The following TNKS variants were observed in gnomAD, a reference collection of about 807,000 sequenced individuals.
TNKS encodes poly [ADP-ribose] polymerase tankyrase-1.
Under a neutral mutation model 135.8 loss-of-function variants are expected in TNKS, and 72 were observed. The observed-to-expected ratio is 0.53, with a 90% CI of 0.44 to 0.64. The LOEUF (loss-of-function observed/expected upper bound fraction) is 0.64. TNKS is among the 30% of genes least tolerant of loss of function. The probability of loss-of-function intolerance (pLI) is 0.00; values close to 1 mark genes in which losing one functional copy is unlikely to be tolerated. For missense variants in TNKS, 1,769 were observed against 1,674.0 expected, an observed-to-expected ratio of 1.06 and a Z score of -0.99; for synonymous variants, 849 against 649.3, an observed-to-expected ratio of 1.31 and a Z score of -4.68.
At chr8:9,583,711 T>A (rs977278642) in intron 2 of TNKS, among the ~76,000 whole-genome samples, 5 of 152,030 alleles carry the variant, frequency 3.3e-5, no homozygotes, top group Non-Finnish European at 7.4e-5. Context: ...ATGCTCTCGA[T>A]CTCTTGACCT....
rs151249640 is a variant in TNKS at position 9,580,953 on chromosome 8, C to T, written c.898+570C>T. On this transcript the variant is annotated intron_variant, in intron 2 of 26. Transcript: ENST00000310430. ...CTGTATTCAATCAGCATTTTGTTCT[C>T]TCATATATATTCACATTTTGCTTTG... Among the ~76,000 whole-genome samples the T allele has an allele frequency of 5.9e-5, 9 of 152,156 alleles. No individual in the cohort carries two copies. The East Asian group carries it at 1.5e-3, about 26-fold the overall frequency.
rs777375902 is a variant in TNKS at position 9,752,529 on chromosome 8, A to G, written c.3071-15A>G. On this transcript the variant is annotated splice_polypyrimidine_tract_variant and intron_variant, in intron 19 of 26. Coordinates refer to ENST00000310430, the MANE Select transcript of TNKS (RefSeq NM_003747.3). ...AGAATTCTTTCTGAGAATCTTTAATATGTTTCTGTTTTAGTTGCTGGTCTT... is the reference window on the plus strand; with the variant it reads ...AGAATTCTTTCTGAGAATCTTTAATGTGTTTCTGTTTTAGTTGCTGGTCTT... 6.3e-7 allele frequency: 1 copy of G among 1,595,052 alleles called. No homozygotes were observed. Among genetic ancestry groups the G allele is most frequent in the Admixed American group, 1.7e-5 (1 of 59,186 alleles).
chr8:9,652,920 G>C (rs1801198328), intron 3 of TNKS, among the ~76,000 whole-genome samples: 1 of 152,170 alleles, frequency 6.6e-6, no homozygotes, highest in African/African-American at 2.4e-5. Context: ...TACATGGTTA[G>C]ATAATGGCAG....
chr8:9,713,021 A>G (rs753242685), intron 11 of TNKS, among the ~76,000 whole-genome samples: 21 of 152,164 alleles, frequency 1.4e-4, no homozygotes, highest in Non-Finnish European at 2.2e-4. Context: ...AGAAATTCAT[A>G]TATATATATT....
chr8:9,620,099 G>A (rs555753886), intron 3 of TNKS, among the ~76,000 whole-genome samples: 25 of 152,022 alleles, frequency 1.6e-4, no homozygotes, highest in Admixed American at 1.2e-3. Flanking sequence ...ATAGGCAGGC[G>A]CCACCACGCC....
chr8:9,581,511 T>C (rs781169248), intron 2 of TNKS, among the ~76,000 whole-genome samples: 5 of 152,214 alleles, frequency 3.3e-5, no homozygotes, highest in African/African-American at 4.8e-5. Flanking sequence ...CTTCAACTTA[T>C]AACATCCTCT....
chr8:9,776,945 A>G lies in TNKS; in HGVS notation c.*209A>G. 1 of 507,124 alleles carries G rather than the reference A, an allele frequency of 2.0e-6. No individual in the cohort carries two copies. 31.4% of individuals were successfully genotyped at this position (507,124 alleles called of 1,614,324 possible). On this transcript the variant is annotated 3_prime_UTR_variant, in exon 27 of 27. Transcript: ENST00000310430. ...CTGTTCCCTTTGAGGAAATGTTTACAGGGGCGGCCTTTTAACATATCTCAG... is the reference window on the plus strand; with the variant it reads ...CTGTTCCCTTTGAGGAAATGTTTACGGGGGCGGCCTTTTAACATATCTCAG...
intron 12 of TNKS, among the ~76,000 whole-genome samples, chr8:9,721,440 A>G (rs549671483): frequency 6.6e-6 from 1 of 151,756 alleles, no homozygotes; most frequent in Non-Finnish European, 1.5e-5. Context: ...AATGCAGTCT[A>G]CCTACTGACA....
At chr8:9,700,005 T>C (rs533683151) in intron 5 of TNKS, among the ~76,000 whole-genome samples, 15 of 152,314 alleles carry the variant, frequency 9.8e-5, no homozygotes, top group African/African-American at 3.6e-4. Context: ...TTTCTTATTC[T>C]TTTGCCTCAG....
intron 1 of TNKS, among the ~76,000 whole-genome samples, chr8:9,560,222 C>CT (rs918030780): frequency 7.9e-5 from 12 of 151,558 alleles, no homozygotes; most frequent in South Asian, 2.1e-4. Context: ...TAAATGAGGT[C>CT]TTTTTTTTAT....
chr8:9,625,875 C>T (rs1010168318), intron 3 of TNKS, among the ~76,000 whole-genome samples: 1 of 152,076 alleles, frequency 6.6e-6, no homozygotes, highest in Non-Finnish European at 1.5e-5. Context: ...AATGTATTTT[C>T]TGATGTTTTT....
intron 3 of TNKS, among the ~76,000 whole-genome samples, chr8:9,643,763 C>T (rs1173410426): frequency 6.6e-6 from 1 of 152,176 alleles, no homozygotes; most frequent in Non-Finnish European, 1.5e-5. Flanking sequence ...GGCAATTCTG[C>T]TTCTGGGTAT....
chr8:9,581,676 CAGTCATT>C (rs1297066638), intron 2 of TNKS, among the ~76,000 whole-genome samples: 1 of 152,202 alleles, frequency 6.6e-6, no homozygotes, highest in African/African-American at 2.4e-5. Flanking sequence ...GGATTTTTCT[CAGTCATT>C]AGTCAGAATT....
intron 18 of TNKS, among the ~76,000 whole-genome samples, chr8:9,751,085 G>A (rs1176573694): frequency 1.3e-5 from 2 of 152,204 alleles, no homozygotes; most frequent in African/African-American, 4.8e-5. Flanking sequence ...GAAATTCAAG[G>A]GGAGGCATAC....
Position 9,579,299 on chromosome 8 carries a change from G to A in TNKS, c.674-860G>A, listed in dbSNP as rs544138374. Reference sequence around the variant, plus strand: ...CATATAGTTTGGCCACTAGCCCCAAGAATAGATATTTTGGCATCATCTTTA... The same window carrying A: ...CATATAGTTTGGCCACTAGCCCCAAAAATAGATATTTTGGCATCATCTTTA... On this transcript the variant is annotated intron_variant, in intron 1 of 26. Transcript: ENST00000310430. 2.0e-5 allele frequency among the ~76,000 whole-genome samples: 3 copies of A among 152,176 alleles called. No individual in the cohort carries two copies. In the East Asian group the frequency reaches 5.8e-4, roughly 29 times the overall value.
chr8:9,771,539 CTG>C (rs777333686), intron 26 of TNKS, among the ~76,000 whole-genome samples: 118 of 102,124 alleles, frequency 1.2e-3, no homozygotes, highest in Non-Finnish European at 1.9e-3. Context: ...GGGAGAAAGA[CTG>C]AGAGAGGAAG....
intron 13 of TNKS, among the ~76,000 whole-genome samples, chr8:9,730,151 C>G (rs1805362256): frequency 6.6e-6 from 1 of 152,104 alleles, no homozygotes; most frequent in Non-Finnish European, 1.5e-5. Flanking sequence ...TACAGTCTTT[C>G]ATTCCTTCCA....
intron 3 of TNKS, among the ~76,000 whole-genome samples, chr8:9,631,628 G>C (rs4368981): frequency 0.98 from 149,186 of 152,350 alleles, 73,117 homozygotes; most frequent in East Asian, 1. Flanking sequence ...CTAGTCTACA[G>C]AATTTTAAGT....
intron 3 of TNKS, among the ~76,000 whole-genome samples, chr8:9,651,109 G>C (rs1201033439): frequency 6.6e-6 from 1 of 152,040 alleles, no homozygotes; most frequent in African/African-American, 2.4e-5. Context: ...TTGCTTTGTT[G>C]AAGATCAGTT....
Sources: allele counts gnomAD v4.1 joint callset (sites outside exome capture counted in the v4.1 genomes callset), GRCh38; gene constraint gnomAD v4.1.1; transcripts MANE v1.5; gene names NCBI Gene and HGNC (gene_info 2026-07-23, HGNC 2026-07-21).